MBTPS2: variants seen among roughly 807,000 people sequenced by gnomAD.
The protein encoded by MBTPS2 is membrane bound transcription factor peptidase, site 2, also known as membrane-bound transcription factor site-2 protease.
A neutral mutation model predicts 35.4 loss-of-function variants in MBTPS2; 2 were observed. The observed-to-expected ratio is 0.06, with a 90% CI of 0.02 to 0.18. MBTPS2 has a LOEUF of 0.18. MBTPS2 is among the 10% of genes least tolerant of loss of function. The pLI, the probability that MBTPS2 is intolerant of heterozygous loss-of-function variation, is 1.00. For missense variants in MBTPS2, 244 were observed against 386.5 expected (o/e 0.63, Z 3.09); for synonymous variants, 125 against 140.4 (o/e 0.89, Z 0.77).
chrX:21,883,056 AGACTTTG>A lies in MBTPS2; in HGVS notation c.*403_*409del. 2 of 817,141 alleles carry A rather than the reference AGACTTTG, an allele frequency of 2.4e-6. No individual in the cohort carries two copies. The highest frequency in any genetic ancestry group is 3.0e-6 in the Non-Finnish European group (2 of 677,665). The allele number at this position is 817,141 out of a possible 1,213,427, so 67.3% of individuals were successfully genotyped here. ...CATTAATCAAAATTTGAAGGAGACC[AGACTTTG>A]GCCAAGTGGAAGGATGACCATTGTC... On this transcript the variant is annotated 3_prime_UTR_variant, in exon 11 of 11. Transcript: ENST00000379484.
rs2092962964 is a variant in MBTPS2 at position 21,884,837 on chromosome X, A to G, written c.*2182A>G. On this transcript the variant is annotated 3_prime_UTR_variant, in exon 11 of 11. Transcript: ENST00000379484. ...TCTATTTAAGTAAGCTGTAAAAAGT[A>G]TTATTGAATATTTACTGTAAATATA... The G allele has an allele frequency of 2.9e-6, 2 of 693,054 alleles. No individual in the cohort carries two copies. The highest frequency in any genetic ancestry group is 3.4e-6 in the Non-Finnish European group (2 of 584,754). The allele number at this position is 693,054 out of a possible 1,213,427, so 57.1% of individuals were successfully genotyped here.
At chrX:21,869,776 C>A in intron 7 of MBTPS2, 98 bp downstream of exon 7, 2 of 694,776 alleles carry the variant, frequency 2.9e-6, no homozygotes, top group Non-Finnish European at 4.6e-6. Flanking sequence ...CTGTTCTAAT[C>A]TGTTTAAAGC....
rs750731000 is a variant in MBTPS2, at chrX:21,845,273, T to C, written c.327T>C (p.Ser109=). ...MQTLAQMMAD[S]PSSYSSSSSS... ...CTTTGGCACAAATGATGGCTGACTC[T>C]CCCTCTTCTTATTCTTCCTCCTCTT... Residue 109 remains serine, a synonymous_variant, in exon 3 of 11, where the codon TCT becomes TCC. Transcript: ENST00000379484. 11 of 1,207,632 alleles carry C rather than the reference T, an allele frequency of 9.1e-6. No individual in the cohort carries two copies. The highest frequency in any genetic ancestry group is 4.4e-5 in the Admixed American group (2 of 45,663).
At chrX:21,857,765 T>G (rs2092925406) in intron 5 of MBTPS2, 1 of 558,601 alleles carries the variant, frequency 1.8e-6, no homozygotes. Context: ...AAAATAGAAT[T>G]TAAACGTTTT....
intron 2 of MBTPS2, among the ~76,000 whole-genome samples, chrX:21,844,464 T>A (rs2092906361): frequency 8.9e-6 from 1 of 111,943 alleles, no homozygotes; most frequent in Non-Finnish European, 1.9e-5. Context: ...CAGTGAGCTG[T>A]GACCGTGCCA....
Position 21,864,529 on chromosome X carries a change from T to C in MBTPS2, c.671-3938T>C, listed in dbSNP as rs1226305829. 4.5e-5 allele frequency among the ~76,000 whole-genome samples: 5 copies of C among 111,400 alleles called. No homozygotes were observed. In the East Asian group the frequency reaches 1.4e-3, roughly 31 times the overall value. ...GTTTTATAATGCTACTTTTAAAGAGTTGCATATATAGGCCAGGTGTGGTGA... is the reference window on the plus strand; with the variant it reads ...GTTTTATAATGCTACTTTTAAAGAGCTGCATATATAGGCCAGGTGTGGTGA... On this transcript the variant is annotated intron_variant, in intron 5 of 10. Coordinates refer to ENST00000379484, the MANE Select transcript of MBTPS2 (RefSeq NM_015884.4).
At position 21,840,818 on chromosome X, in the gene MBTPS2, G is replaced by A. The variant is rs181832313; in HGVS notation, c.75+1009G>A. Among the ~76,000 whole-genome samples the A allele has an allele frequency of 8.9e-5, 10 of 112,080 alleles. No individual in the cohort carries two copies. The East Asian group carries it at 2.0e-3, about 22-fold the overall frequency. On this transcript the variant is annotated intron_variant, in intron 1 of 10. Transcript: ENST00000379484. The stretch of plus-strand genomic sequence containing the variant: ...TGTAAAGTGCAGGAGGTTACATAGC[G>A]TAGTCCTTAGATCCAGGGCTGGGCT...
chrX:21,850,930 T>G (rs748177343), intron 3 of MBTPS2, among the ~76,000 whole-genome samples: 2 of 111,784 alleles, frequency 1.8e-5, no homozygotes, highest in African/African-American at 3.3e-5. Flanking sequence ...TAGAAGGGTA[T>G]GGTGCTCCCA....
intron 3 of MBTPS2, among the ~76,000 whole-genome samples, chrX:21,847,120 GAGAA>G (rs2092909504): frequency 8.9e-6 from 1 of 111,810 alleles, no homozygotes; most frequent in Non-Finnish European, 1.9e-5. Flanking sequence ...GAGGGTAAGA[GAGAA>G]AGAAGCCAGT....
chrX:21,856,301 CG>C (rs1569323529), intron 5 of MBTPS2: 2 of 373,924 alleles, frequency 5.3e-6, no homozygotes, highest in Non-Finnish European at 4.6e-6. Context: ...CTGCAGCTCG[CG>C]CCTTTCTCTG....
chrX:21,878,435 G>A, intron 8 of MBTPS2, 62 bp from the exon 9 acceptor site: 2 of 845,596 alleles, frequency 2.4e-6, no homozygotes, highest in African/African-American at 2.0e-5. Flanking sequence ...AATATTGAAG[G>A]AATGTAACTT....
chrX:21,855,862 A>AG, intron 5 of MBTPS2: 1 of 111,059 alleles, frequency 9.0e-6, no homozygotes, highest in East Asian at 2.9e-4. Flanking sequence ...AAAAAAAAAA[A>AG]AAATCCTTAG....
rs2092961129 is a variant in MBTPS2, at chrX:21,883,142, T to G, written c.*487T>G. ...GTTTGAAAAGTATTTTAAAACTTAA[T>G]GGTGTATTATTTTGTGCTCTGAAAG... On this transcript the variant is annotated 3_prime_UTR_variant, in exon 11 of 11. Coordinates refer to ENST00000379484, the MANE Select transcript of MBTPS2 (RefSeq NM_015884.4). 1.3e-6 allele frequency: 1 copy of G among 762,458 alleles called. No homozygotes were observed. Among genetic ancestry groups the G allele is most frequent in the Admixed American group, 7.4e-5 (1 of 13,458 alleles). 62.8% of individuals were successfully genotyped at this position (762,458 alleles called of 1,213,427 possible). A position where few individuals can be genotyped will look rare whatever the true frequency, so the allele number is the denominator to read the frequency against.
At chrX:21,878,814 T>A in intron 9 of MBTPS2, 122 bp downstream of exon 9, 1 of 539,677 alleles carries the variant, frequency 1.9e-6, no homozygotes, top group Non-Finnish European at 3.2e-6. Context: ...TTTATCAAAG[T>A]CTTGTTAACT....
At chrX:21,882,364 T>G in intron 10 of MBTPS2, 69 bp from the exon 11 acceptor site, 1 of 802,759 alleles carries the variant, frequency 1.2e-6, no homozygotes, top group Non-Finnish European at 1.9e-6. Context: ...TAAAATATCT[T>G]CTGACTCATA....
intron 5 of MBTPS2, among the ~76,000 whole-genome samples, chrX:21,864,849 T>C (rs1317025121): frequency 9.4e-6 from 1 of 106,183 alleles, no homozygotes; most frequent in Non-Finnish European, 1.9e-5. Flanking sequence ...GTATATGTAA[T>C]AGGTTTTTTT....
At position 21,884,463 on chromosome X, in the gene MBTPS2, G is replaced by A. The variant is rs1194711755; in HGVS notation, c.*1808G>A. On this transcript the variant is annotated 3_prime_UTR_variant, in exon 11 of 11. Transcript: ENST00000379484. ...TAAAAACCAAGAAAAAACTTTAATA[G>A]AGGAAATCTTATTCATTAATTTATT... The A allele has an allele frequency of 1.5e-5, 11 of 737,402 alleles. No individual in the cohort carries two copies. Among genetic ancestry groups the A allele is most frequent in the Non-Finnish European group, 1.6e-5 (10 of 625,096 alleles). 60.8% of individuals were successfully genotyped at this position (737,402 alleles called of 1,213,427 possible). A position where few individuals can be genotyped will look rare whatever the true frequency, so the allele number is the denominator to read the frequency against.
chrX:21,869,069 C>T (rs2092943991), intron 6 of MBTPS2, among the ~76,000 whole-genome samples: 1 of 111,998 alleles, frequency 8.9e-6, no homozygotes, highest in South Asian at 3.7e-4. Flanking sequence ...AGGAAAATTA[C>T]CTTTGTGAGC....
intron 5 of MBTPS2, 113 bp downstream of exon 5, chrX:21,853,616 ATAAC>A (rs1474259163): frequency 3.9e-6 from 3 of 773,852 alleles, no homozygotes; most frequent in Admixed American, 2.3e-5. Context: ...CTTTTGGTTA[ATAAC>A]TTCAGTTTAT....
Sources: gnomAD v4.1 joint callset for allele counts (sites outside exome capture counted in the v4.1 genomes callset) on GRCh38, gnomAD v4.1.1 for gene constraint, MANE v1.5 for transcripts, NCBI Gene and HGNC (gene_info 2026-07-23, HGNC 2026-07-21) for gene names.